FMNL1: variants seen among roughly 807,000 people sequenced by gnomAD.
The protein encoded by FMNL1 is formin-like protein 1.
FMNL1 carries 43 observed loss-of-function variants against 121.3 expected under a neutral mutation model. The observed-to-expected ratio is 0.35, with a 90% CI of 0.28 to 0.46. The LOEUF (loss-of-function observed/expected upper bound fraction) is 0.46, where lower values mean the gene tolerates loss of function less well. FMNL1 is among the 20% of genes least tolerant of loss of function. FMNL1 has a pLI of 1.00. For synonymous variants in FMNL1, 613 were observed against 613.5 expected (o/e 1.00, Z 0.01); for missense variants, 1,191 against 1,482.4 (o/e 0.80, Z 3.23).
At chr17:45,230,714 C>T (rs753734634) in intron 2 of FMNL1, 27 bp downstream of exon 2, 2 of 1,610,108 alleles carry the variant, frequency 1.2e-6, no homozygotes, top group South Asian at 1.1e-5. Flanking sequence ...CCCAGCCACC[C>T]CTTCCCTCCC....
At chr17:45,232,587 A>C (rs1044830017) in intron 3 of FMNL1, 107 bp downstream of exon 3, 10 of 980,332 alleles carry the variant, frequency 1.0e-5, no homozygotes, top group South Asian at 5.7e-5. Flanking sequence ...GTGTGGGTGC[A>C]TGTATGAGTG....
Position 45,237,694 on chromosome 17 carries a change from C to G in FMNL1, c.894+55C>G. On this transcript the variant is annotated intron_variant, in intron 9 of 26. Coordinates refer to ENST00000331495, the MANE Select transcript of FMNL1 (RefSeq NM_005892.4). The surrounding 1 kb of genome is among the most constrained non-coding windows in gnomAD (Gnocchi z 4.4). ...TTCCCCCTATGGTGTTGCTTGGAGTCTTGTTGTTGGCAGTTGTGGCCTTTG... is the reference window on the plus strand; with the variant it reads ...TTCCCCCTATGGTGTTGCTTGGAGTGTTGTTGTTGGCAGTTGTGGCCTTTG... The G allele has an allele frequency of 6.9e-6, 11 of 1,587,492 alleles. No individual in the cohort carries two copies. The highest frequency in any genetic ancestry group is 9.5e-6 in the Non-Finnish European group (11 of 1,157,344).
chr17:45,232,709 G>A (rs549379439), intron 3 of FMNL1, among the ~76,000 whole-genome samples: 1 of 152,206 alleles, frequency 6.6e-6, no homozygotes, highest in South Asian at 2.1e-4. Flanking sequence ...CACATTCTGT[G>A]TACTTATACT....
chr17:45,233,890 GC>G lies in FMNL1; in HGVS notation c.485+164del. On this transcript the variant is annotated intron_variant, in intron 5 of 26. Transcript: ENST00000331495. This position sits in a 1 kb window ranked among gnomAD's most constrained non-coding sequence, Gnocchi z 4.1. Reference sequence around the variant, plus strand: ...GAGCGATGCTCCTTCCAGAAGGCCTGCCCCCGACAGGGAGGGGTGGCCTCTC... The same window carrying G: ...GAGCGATGCTCCTTCCAGAAGGCCTGCCCCGACAGGGAGGGGTGGCCTCTC... 3.0e-6 allele frequency: 4 copies of G among 1,315,126 alleles called. No individual in the cohort carries two copies. The highest frequency in any genetic ancestry group is 2.9e-5 in the South Asian group (2 of 69,062). The allele number at this position is 1,315,126 out of a possible 1,614,324, so 81.5% of individuals were successfully genotyped here.
rs2043586101 is a variant in FMNL1 at position 45,237,844 on chromosome 17, G to C, written c.894+205G>C. Among the ~76,000 whole-genome samples, 1 of 152,152 alleles carries C rather than the reference G, an allele frequency of 6.6e-6. No homozygotes were observed. The highest frequency in any genetic ancestry group is 2.4e-5 in the African/African-American group (1 of 41,430). On this transcript the variant is annotated intron_variant, in intron 9 of 26. Transcript: ENST00000331495. This position sits in a 1 kb window ranked among gnomAD's most constrained non-coding sequence, Gnocchi z 4.4. ...GAATGGAAGGTACAGGGTCAGGTAA[G>C]GGCACCACCTGGGTGGGGGTAGGGA...
intron 1 of FMNL1, among the ~76,000 whole-genome samples, chr17:45,229,584 G>A (rs949959258): frequency 1.3e-5 from 2 of 152,234 alleles, no homozygotes; most frequent in African/African-American, 4.8e-5. Context: ...CAGACATATA[G>A]AAGGCTCTCA....
rs1230509044 is a variant in FMNL1, at chr17:45,241,523, C to G, written c.1474C>G (p.Leu492Val). ...GGAGGAGAAGGGGTTAATCCGTATT[C>G]TGCGGGGGCCGGGGGATGCTGTCTC... Reference protein sequence around the residue: ...ELEEKGLIRILRGPGDAVSIE... With the variant: ...ELEEKGLIRIVRGPGDAVSIE... Residue 492 changes from leucine (L) to valine (V), a missense_variant, in exon 14 of 27, where the codon CTG becomes GTG. Physicochemically the swap from Leu to Val is conservative, Grantham distance 32. This residue lies in a region of FMNL1 where 519 missense variants were observed against 492.8 expected (regional missense o/e 1.05). Coordinates refer to ENST00000331495, the MANE Select transcript of FMNL1 (RefSeq NM_005892.4). The surrounding 1 kb of genome is among the most constrained non-coding windows in gnomAD (Gnocchi z 7.0). 4 of 1,579,682 alleles carry G rather than the reference C, an allele frequency of 2.5e-6. No homozygotes were observed. Among genetic ancestry groups the G allele is most frequent in the Non-Finnish European group, 3.4e-6 (4 of 1,163,768 alleles).
At chr17:45,245,507 TGGG>T (rs753966319) in intron 22 of FMNL1, 91 bp downstream of exon 22, 58 of 1,603,832 alleles carry the variant, frequency 3.6e-5, no homozygotes, top group Middle Eastern at 3.3e-4. Flanking sequence ...TGGGACCCCT[TGGG>T]GGGATGCAGC....
chr17:45,235,307 C>T (rs566352417), intron 6 of FMNL1, among the ~76,000 whole-genome samples: 4 of 152,272 alleles, frequency 2.6e-5, no homozygotes, highest in African/African-American at 7.2e-5. Context: ...CTTGGGACAT[C>T]AGGAAGGCTT....
rs1489492248 is a variant in FMNL1, at chr17:45,222,742, GA to G, written c.129+490del. Among the ~76,000 whole-genome samples, 17 of 152,292 alleles carry G rather than the reference GA, an allele frequency of 1.1e-4. No homozygotes were observed. The East Asian group carries it at 1.7e-3, about 16-fold the overall frequency. ...TGGGCTGCGGGGAATGGGGTTGTCG[GA>G]TCATGGCCAGGAGGTATCTGTGTTT... On this transcript the variant is annotated intron_variant, in intron 1 of 26. Coordinates refer to ENST00000331495, the MANE Select transcript of FMNL1 (RefSeq NM_005892.4).
At chr17:45,234,440 A>G in intron 6 of FMNL1, 1 of 531,528 alleles carries the variant, frequency 1.9e-6, no homozygotes, top group Non-Finnish European at 3.3e-6. Context: ...TGAGGTGGGC[A>G]GATCATTTGA....
chr17:45,240,794 T>TTGGG, intron 12 of FMNL1, 169 bp downstream of exon 12: 1 of 1,003,012 alleles, frequency 1.0e-6, no homozygotes, highest in Non-Finnish European at 1.4e-6. Context: ...CCTGAATCTG[T>TTGGG]TGGGTGTCTT....
In FMNL1 at chr17:45,222,034, GC is replaced by G; in HGVS notation, c.-86del. 9.7e-7 allele frequency: 1 copy of G among 1,033,156 alleles called. No homozygotes were observed. The highest frequency in any genetic ancestry group is 1.2e-6 in the Non-Finnish European group (1 of 837,012). The allele number at this position is 1,033,156 out of a possible 1,614,324, so 64.0% of individuals were successfully genotyped here. A position where few individuals can be genotyped will look rare whatever the true frequency, so the allele number is the denominator to read the frequency against. ...CGCCACCGCCAGCCGCTGCCCCCTC[GC>G]CCCCGCCCGGGCCGGGAGCCTCGTC... On this transcript the variant is annotated 5_prime_UTR_variant, in exon 1 of 27. Transcript: ENST00000331495.
At chr17:45,240,747 T>C (rs1385201432) in intron 12 of FMNL1, 122 bp downstream of exon 12, 12 of 1,374,910 alleles carry the variant, frequency 8.7e-6, no homozygotes, top group Non-Finnish European at 1.2e-5. Context: ...TTGGAGGTGC[T>C]GCCTGCCTGG....
At chr17:45,227,040 T>C (rs1450384122) in intron 1 of FMNL1, among the ~76,000 whole-genome samples, 1 of 151,738 alleles carries the variant, frequency 6.6e-6, no homozygotes, top group African/African-American at 2.4e-5. Context: ...TGAGACCATA[T>C]AGAGGTGGGC....
chr17:45,241,143 T>G lies in FMNL1; in HGVS notation c.1245T>G (p.Leu415=), dbSNP rs1410859411. 6.2e-7 allele frequency: 1 copy of G among 1,613,986 alleles called. No homozygotes were observed. Among genetic ancestry groups the G allele is most frequent in the Non-Finnish European group, 8.5e-7 (1 of 1,179,902 alleles). ...TGGTGCTACAGCTGACAGAGCGGCTTCGGGACGCGGAGAACGAATCCATGG... is the reference window on the plus strand; with the variant it reads ...TGGTGCTACAGCTGACAGAGCGGCTGCGGGACGCGGAGAACGAATCCATGG... ...QEQVALLTER[L]RDAENESMAK... Residue 415 remains leucine (L), a synonymous_variant, in exon 13 of 27, where the codon CTT becomes CTG. Coordinates refer to ENST00000331495, the MANE Select transcript of FMNL1 (RefSeq NM_005892.4). The surrounding 1 kb of genome is among the most constrained non-coding windows in gnomAD (Gnocchi z 7.0).
In FMNL1 at chr17:45,236,837, C is replaced by T. The variant is rs140753632; in HGVS notation, c.724-444C>T. Reference sequence around the variant, plus strand: ...AAAAAATAAATAAAGAGAGGCCAGGCGTGGTGGCTCATATCTGTAATCCCA... The same window carrying T: ...AAAAAATAAATAAAGAGAGGCCAGGTGTGGTGGCTCATATCTGTAATCCCA... On this transcript the variant is annotated intron_variant, in intron 7 of 26. Transcript: ENST00000331495. 4.7e-3 allele frequency among the ~76,000 whole-genome samples: 719 copies of T among 152,202 alleles called. 6 individuals carry two copies. The highest frequency in any genetic ancestry group is 0.022 in the East Asian group (115 of 5,186).
chr17:45,235,933 C>T (rs1027874505), intron 6 of FMNL1, among the ~76,000 whole-genome samples: 19 of 152,126 alleles, frequency 1.2e-4, no homozygotes, highest in Non-Finnish European at 1.2e-4. Context: ...CTTCTGTGTC[C>T]CCCCTCCTCC....
intron 11 of FMNL1, 63 bp downstream of exon 11, chr17:45,239,128 T>A: frequency 7.2e-7 from 1 of 1,386,518 alleles, no homozygotes; most frequent in Non-Finnish European, 1.0e-6. Flanking sequence ...GCTGAGTGGT[T>A]AGCAGCATGA....
Sources: allele counts gnomAD v4.1 joint callset (sites outside exome capture counted in the v4.1 genomes callset), GRCh38; gene constraint gnomAD v4.1.1; regional missense constraint gnomAD v4.1.1; non-coding constraint Gnocchi (gnomAD v3.1); transcripts MANE v1.5; gene names NCBI Gene and HGNC (gene_info 2026-07-23, HGNC 2026-07-21).